The following PLCB4 variants were observed in gnomAD, a reference collection of about 807,000 sequenced individuals.
PLCB4 encodes the protein 1-phosphatidylinositol 4,5-bisphosphate phosphodiesterase beta-4.
PLCB4 carries 77 observed loss-of-function variants against 178.8 expected under a neutral mutation model. The ratio of observed to expected loss-of-function variants is 0.43; its 90% CI spans 0.36 to 0.52. PLCB4 has a LOEUF of 0.52. Ranked by LOEUF, PLCB4 falls within the 20% of genes least tolerant of loss-of-function variation. The pLI is 0.00. For missense variants in PLCB4, 1,024 were observed against 1,453.4 expected (o/e 0.70, Z 4.80); for synonymous variants, 496 against 490.8 (o/e 1.01, Z -0.14).
chr20:9,351,898 G>T (rs775584707), intron 7 of PLCB4, among the ~76,000 whole-genome samples: 3 of 152,108 alleles, frequency 2.0e-5, no homozygotes, highest in African/African-American at 7.2e-5. Flanking sequence ...GAATGTGACC[G>T]ATAAATACAG....
At chr20:9,234,691 G>A (rs999279397) in intron 3 of PLCB4, among the ~76,000 whole-genome samples, 9 of 152,094 alleles carry the variant, frequency 5.9e-5, no homozygotes, top group Non-Finnish European at 8.8e-5. Context: ...CTGGCCTGAG[G>A]AAAAAGGAAG....
intron 4 of PLCB4, among the ~76,000 whole-genome samples, chr20:9,327,661 A>G (rs1235801161): frequency 6.6e-6 from 1 of 151,994 alleles, no homozygotes; most frequent in Non-Finnish European, 1.5e-5. Flanking sequence ...CTGTAGTCCC[A>G]GCTACTCGGG....
intron 1 of PLCB4, among the ~76,000 whole-genome samples, chr20:9,071,417 A>G (rs1054024408): frequency 1.2e-4 from 19 of 152,180 alleles, no homozygotes; most frequent in African/African-American, 4.3e-4. Flanking sequence ...CCTGGTATTC[A>G]TCTTTACCTC....
At chr20:9,225,340 T>C (rs1040550336) in intron 3 of PLCB4, among the ~76,000 whole-genome samples, 2 of 152,234 alleles carry the variant, frequency 1.3e-5, no homozygotes, top group Non-Finnish European at 2.9e-5. Context: ...ACTTAACAAA[T>C]GCTTAAGGCT....
intron 9 of PLCB4, 71 bp downstream of exon 9, chr20:9,365,585 C>G: frequency 1.2e-6 from 1 of 839,072 alleles, no homozygotes; most frequent in Admixed American, 2.1e-5. Context: ...AAGAGAGAAC[C>G]CTTCACAAGT....
At chr20:9,276,937 T>TAAAAGA (rs746508323) in intron 3 of PLCB4, among the ~76,000 whole-genome samples, 2 of 151,944 alleles carry the variant, frequency 1.3e-5, no homozygotes, top group Non-Finnish European at 2.9e-5. Flanking sequence ...ATCTTGTCTC[T>TAAAAGA]AAAAGAAAAA....
intron 3 of PLCB4, among the ~76,000 whole-genome samples, chr20:9,278,014 T>A (rs1217483527): frequency 6.6e-6 from 1 of 152,038 alleles, no homozygotes; most frequent in Non-Finnish European, 1.5e-5. Context: ...ATGCTATTTG[T>A]ATTCAATTAA....
At chr20:9,153,713 G>A (rs369749708) in intron 2 of PLCB4, among the ~76,000 whole-genome samples, 16 of 152,324 alleles carry the variant, frequency 1.1e-4, no homozygotes, top group South Asian at 8.3e-4. Context: ...GCCCAGGTAC[G>A]TTTTCATTCA....
intron 3 of PLCB4, among the ~76,000 whole-genome samples, chr20:9,236,126 G>C (rs746445): frequency 0.058 from 8,860 of 152,156 alleles, 804 homozygotes; most frequent in African/African-American, 0.19. Flanking sequence ...TCTCTTTCTT[G>C]ACTTTTTATA....
chr20:9,347,374 C>T (rs2033908738), intron 7 of PLCB4, among the ~76,000 whole-genome samples: 1 of 152,104 alleles, frequency 6.6e-6, no homozygotes. Context: ...AAACATTGTG[C>T]AAAATGACAA....
At chr20:9,326,340 G>A (rs2030559024) in intron 4 of PLCB4, among the ~76,000 whole-genome samples, 1 of 152,106 alleles carries the variant, frequency 6.6e-6, no homozygotes, top group Non-Finnish European at 1.5e-5. Flanking sequence ...TTATTCCTGA[G>A]GTAAGAATAA....
At chr20:9,143,589 A>C (rs751054643) in intron 2 of PLCB4, among the ~76,000 whole-genome samples, 10 of 152,126 alleles carry the variant, frequency 6.6e-5, no homozygotes, top group African/African-American at 1.9e-4. Flanking sequence ...GTTTTGGTGC[A>C]TTTAGCTTAG....
At chr20:9,320,599 C>T (rs1473719365) in intron 4 of PLCB4, among the ~76,000 whole-genome samples, 1 of 152,174 alleles carries the variant, frequency 6.6e-6, no homozygotes, top group Non-Finnish European at 1.5e-5. Context: ...GCTCCAGTGC[C>T]TCTGATTTAA....
chr20:9,257,833 G>C (rs1569029550), intron 3 of PLCB4, among the ~76,000 whole-genome samples: 1 of 152,178 alleles, frequency 6.6e-6, no homozygotes, highest in Non-Finnish European at 1.5e-5. Context: ...TCAGAGAAGA[G>C]ATGGAACTTT....
rs944671939 is a variant in PLCB4, at chr20:9,480,019, T to C, written c.*1010T>C. ...ATGAAAAACCCTCTCTCTATATATA[T>C]ATGTGTATATGAATTATGTGGGCAT... On this transcript the variant is annotated 3_prime_UTR_variant, in exon 40 of 40. Coordinates refer to ENST00000378473, the MANE Select transcript of PLCB4 (RefSeq NM_001377142.1). The C allele has an allele frequency of 7.2e-5, 11 of 152,596 alleles. No individual in the cohort carries two copies. The highest frequency in any genetic ancestry group is 2.7e-4 in the African/African-American group (11 of 41,458). The allele number at this position is 152,596 out of a possible 1,614,324, so 9.5% of individuals were successfully genotyped here. A position where few individuals can be genotyped will look rare whatever the true frequency, so the allele number is the denominator to read the frequency against.
chr20:9,402,632 C>G (rs535357988), intron 20 of PLCB4, among the ~76,000 whole-genome samples: 3 of 152,316 alleles, frequency 2.0e-5, no homozygotes, highest in African/African-American at 7.2e-5. Context: ...GGCTGCTGCT[C>G]TAGGCCAGAC....
At chr20:9,311,880 C>A (rs114629947) in intron 4 of PLCB4, among the ~76,000 whole-genome samples, 4,046 of 152,250 alleles carry the variant, frequency 0.027, 186 homozygotes, top group African/African-American at 0.093. Context: ...ATTTGTGTTG[C>A]CGTTATGGCA....
At chr20:9,085,052 C>CAAA (rs11474540) in intron 1 of PLCB4, among the ~76,000 whole-genome samples, 1 of 41,384 alleles carries the variant, frequency 2.4e-5, no homozygotes, top group Non-Finnish European at 5.5e-5. Context: ...GACTCCATCT[C>CAAA]AAAAAAAAAA....
intron 2 of PLCB4, among the ~76,000 whole-genome samples, chr20:9,171,708 C>G (rs1359473255): frequency 1.3e-5 from 2 of 152,130 alleles, no homozygotes; most frequent in Admixed American, 6.6e-5. Context: ...GCAACAGTAT[C>G]TGAGACTTCT....
Sources: allele counts gnomAD v4.1 joint callset (sites outside exome capture counted in the v4.1 genomes callset), GRCh38; gene constraint gnomAD v4.1.1; transcripts MANE v1.5; gene names NCBI Gene and HGNC (gene_info 2026-07-23, HGNC 2026-07-21).